Variants in ZNF423 observed in about 807,000 individuals in gnomAD.
The protein encoded by ZNF423 is Ebf-associated zinc finger protein.
Under a neutral mutation model 95.8 loss-of-function variants are expected in ZNF423, and 12 were observed. That is an observed-to-expected ratio of 0.13 (90% CI 0.08 to 0.20). The LOEUF (loss-of-function observed/expected upper bound fraction) is 0.20, where lower values mean the gene tolerates loss of function less well. Ranked by LOEUF, ZNF423 falls within the 10% of genes least tolerant of loss-of-function variation. The probability of loss-of-function intolerance (pLI) is 1.00; values close to 1 mark genes in which losing one functional copy is unlikely to be tolerated. For missense variants in ZNF423, 1,316 were observed against 1,737.1 expected, an observed-to-expected ratio of 0.76 and a Z score of 4.31; for synonymous variants, 749 against 711.9, an observed-to-expected ratio of 1.05 and a Z score of -0.83.
chr16:49,584,592 C>G (rs978047299), intron 5 of ZNF423, among the ~76,000 whole-genome samples: 6 of 152,100 alleles, frequency 3.9e-5, no homozygotes, highest in Non-Finnish European at 7.4e-5. Flanking sequence ...GCTGGAAGTC[C>G]AAGATCAAGG....
intron 2 of ZNF423, among the ~76,000 whole-genome samples, chr16:49,768,813 T>C (rs151281580): frequency 1.3e-3 from 197 of 152,130 alleles, no homozygotes; most frequent in Middle Eastern, 3.4e-3. Flanking sequence ...CCTCCCCCGA[T>C]TGCCAGAACA....
intron 4 of ZNF423, among the ~76,000 whole-genome samples, chr16:49,629,215 G>A (rs960908925): frequency 1.3e-5 from 2 of 152,096 alleles, no homozygotes; most frequent in African/African-American, 4.8e-5. Flanking sequence ...ACCTACCTGT[G>A]TCTTTATATT....
intron 5 of ZNF423, among the ~76,000 whole-genome samples, 180 bp from the exon 6 acceptor site, chr16:49,525,674 T>C (rs1028592526): frequency 2.6e-5 from 4 of 152,062 alleles, no homozygotes; most frequent in Non-Finnish European, 5.9e-5. Context: ...CCCTAGAGGC[T>C]TACAGACCCC....
At chr16:49,800,455 T>C (rs1386478025) in intron 1 of ZNF423, among the ~76,000 whole-genome samples, 1 of 152,122 alleles carries the variant, frequency 6.6e-6, no homozygotes, top group Non-Finnish European at 1.5e-5. Flanking sequence ...TATTGCCAAC[T>C]GATCGGGGTT....
chr16:49,661,217 C>CAA (rs397959711), intron 3 of ZNF423, among the ~76,000 whole-genome samples: 1,384 of 97,740 alleles, frequency 0.014, 31 homozygotes, highest in African/African-American at 0.03. Flanking sequence ...GACTTCATCT[C>CAA]AAAAAAAAAA....
chr16:49,647,369 G>A (rs899187895), intron 3 of ZNF423, among the ~76,000 whole-genome samples: 1 of 152,152 alleles, frequency 6.6e-6, no homozygotes, highest in African/African-American at 2.4e-5. Flanking sequence ...TGGAGATTGT[G>A]GTAGGCAGAA....
At chr16:49,710,039 T>A (rs2032494520) in intron 3 of ZNF423, among the ~76,000 whole-genome samples, 1 of 152,198 alleles carries the variant, frequency 6.6e-6, no homozygotes, top group African/African-American at 2.4e-5. Context: ...GTCCTCAGAA[T>A]GAAGAATTAT....
At chr16:49,527,037 A>C (rs920640125) in intron 5 of ZNF423, among the ~76,000 whole-genome samples, 9 of 152,338 alleles carry the variant, frequency 5.9e-5, no homozygotes, top group Admixed American at 3.3e-4. Flanking sequence ...GTGGCAAGAC[A>C]TGAACACAGA....
intron 3 of ZNF423, among the ~76,000 whole-genome samples, chr16:49,640,558 T>TG (rs1181664513): frequency 6.6e-6 from 1 of 152,114 alleles, no homozygotes; most frequent in Non-Finnish European, 1.5e-5. Context: ...CCCTCACAGC[T>TG]GGGGCTGAGC....
chr16:49,794,220 G>T (rs1221845665), intron 1 of ZNF423, among the ~76,000 whole-genome samples: 1 of 138,656 alleles, frequency 7.2e-6, no homozygotes, highest in Non-Finnish European at 1.5e-5. Context: ...AGTTTTTTTT[G>T]TTTGTTTTTG....
chr16:49,649,656 CA>C (rs1454999238), intron 3 of ZNF423, among the ~76,000 whole-genome samples: 15 of 109,460 alleles, frequency 1.4e-4, no homozygotes, highest in South Asian at 4.4e-4. Flanking sequence ...CACACACACA[CA>C]CACACACACA....
intron 2 of ZNF423, among the ~76,000 whole-genome samples, chr16:49,781,545 T>C (rs1185011996): frequency 6.6e-6 from 1 of 151,952 alleles, no homozygotes; most frequent in Non-Finnish European, 1.5e-5. Context: ...GTGGGTGGAG[T>C]TTCTGTGAAG....
intron 3 of ZNF423, among the ~76,000 whole-genome samples, chr16:49,687,780 G>A (rs1473502725): frequency 6.6e-6 from 1 of 152,158 alleles, no homozygotes; most frequent in Non-Finnish European, 1.5e-5. Flanking sequence ...ACCAGTTCCC[G>A]ACAAACTCGT....
intron 7 of ZNF423, among the ~76,000 whole-genome samples, chr16:49,493,577 A>C (rs188042655): frequency 6.6e-6 from 1 of 152,062 alleles, no homozygotes; most frequent in Admixed American, 6.6e-5. Context: ...GTCATTCTTT[A>C]TTAGGGGGAG....
chr16:49,779,482 C>A lies in ZNF423; in HGVS notation c.100+10005G>T, dbSNP rs534557564. On this transcript the variant is annotated intron_variant, in intron 2 of 7. Coordinates refer to ENST00000563137, the MANE Select transcript of ZNF423 (RefSeq NM_001379286.1). ...GAATCTCAGGCCCTACCCAGACCTG[C>A]TGAGTCAGAATCTGCATCTTGACAA... Among the ~76,000 whole-genome samples, 6 of 152,220 alleles carry A rather than the reference C, an allele frequency of 3.9e-5. No individual in the cohort carries two copies. The South Asian group carries it at 1.2e-3, about 32-fold the overall frequency.
At chr16:49,697,665 G>A (rs1191660546) in intron 3 of ZNF423, among the ~76,000 whole-genome samples, 1 of 152,208 alleles carries the variant, frequency 6.6e-6, no homozygotes, top group African/African-American at 2.4e-5. Context: ...CAACAGGACT[G>A]GCCCAGGAAG....
intron 3 of ZNF423, among the ~76,000 whole-genome samples, chr16:49,677,317 G>GAAGA (rs1567284195): frequency 3.6e-5 from 1 of 28,090 alleles, no homozygotes; most frequent in Non-Finnish European, 7.2e-5. Flanking sequence ...AGAAAGGAGG[G>GAAGA]GAAGGGAGGG....
intron 1 of ZNF423, among the ~76,000 whole-genome samples, chr16:49,850,813 T>A (rs558378753): frequency 6.6e-6 from 1 of 152,202 alleles, no homozygotes; most frequent in Admixed American, 6.5e-5. Flanking sequence ...GAGAGCCTCA[T>A]GTTTCAAAGA....
intron 7 of ZNF423, among the ~76,000 whole-genome samples, chr16:49,520,588 C>T (rs192148302): frequency 1.3e-5 from 2 of 152,306 alleles, no homozygotes; most frequent in East Asian, 3.9e-4. Context: ...CTTGTGCCTG[C>T]AAATACCAGG....
Sources: allele counts gnomAD v4.1 joint callset (sites outside exome capture counted in the v4.1 genomes callset), GRCh38; gene constraint gnomAD v4.1.1; transcripts MANE v1.5; gene names NCBI Gene and HGNC (gene_info 2026-07-23, HGNC 2026-07-21).